Variants in PPARGC1A observed in about 807,000 individuals in gnomAD.
PPARGC1A encodes the protein PPARG coactivator 1 alpha, also known as peroxisome proliferator-activated receptor gamma coactivator 1-alpha.
A neutral mutation model predicts 88.7 loss-of-function variants in PPARGC1A; 25 were observed. The observed-to-expected ratio is 0.28, with a 90% CI of 0.21 to 0.39. PPARGC1A has a LOEUF of 0.39. PPARGC1A is among the 10% of genes least tolerant of loss of function. The pLI is 1.00. For missense variants in PPARGC1A, 880 were observed against 968.7 expected, an observed-to-expected ratio of 0.91 and a Z score of 1.22; for synonymous variants, 363 against 355.6, an observed-to-expected ratio of 1.02 and a Z score of -0.24.
At chr4:24,386,251 A>G in the PPARGC1A span, among the ~76,000 whole-genome samples, 1 of 152,182 alleles carries the variant, frequency 6.6e-6, no homozygotes, top group Non-Finnish European at 1.5e-5. Context: ...TCAAAATAAT[A>G]AGAACTATTT....
chr4:24,310,316 G>A, the PPARGC1A span, among the ~76,000 whole-genome samples: 30 of 152,266 alleles, frequency 2.0e-4, no homozygotes, highest in Admixed American at 1.0e-3. Flanking sequence ...GTCACAAAGC[G>A]ACAGTATCTT....
the PPARGC1A span, among the ~76,000 whole-genome samples, chr4:24,020,783 A>G: frequency 9.9e-5 from 15 of 152,254 alleles, 1 homozygote; most frequent in East Asian, 3.9e-4. Flanking sequence ...CGAAGCCTCC[A>G]TGAGCACAGG....
the PPARGC1A span, among the ~76,000 whole-genome samples, chr4:24,427,884 G>T: frequency 2.0e-5 from 3 of 152,256 alleles, no homozygotes; most frequent in East Asian, 5.8e-4. Context: ...CCTGAGGTGG[G>T]AGGATCACTT....
chr4:24,046,166 G>A, the PPARGC1A span, among the ~76,000 whole-genome samples: 1 of 152,168 alleles, frequency 6.6e-6, no homozygotes, highest in African/African-American at 2.4e-5. Context: ...CAGAACATAT[G>A]TCCCTATAAT....
At chr4:24,362,778 C>A in the PPARGC1A span, among the ~76,000 whole-genome samples, 1 of 152,170 alleles carries the variant, frequency 6.6e-6, no homozygotes, top group Non-Finnish European at 1.5e-5. Flanking sequence ...CCCGGTTAAG[C>A]ACCACCACTC....
chr4:24,088,698 G>A, the PPARGC1A span, among the ~76,000 whole-genome samples: 1 of 152,200 alleles, frequency 6.6e-6, no homozygotes, highest in Non-Finnish European at 1.5e-5. Flanking sequence ...TTTTATTAAA[G>A]TCTTAATGAT....
At chr4:24,355,770 G>A in the PPARGC1A span, among the ~76,000 whole-genome samples, 1,843 of 152,220 alleles carry the variant, frequency 0.012, 13 homozygotes, top group Non-Finnish European at 0.019. Context: ...GTGGAAGTGC[G>A]AGGGGGAGGA....
chr4:24,051,947 A>C, the PPARGC1A span, among the ~76,000 whole-genome samples: 1 of 152,098 alleles, frequency 6.6e-6, no homozygotes, highest in African/African-American at 2.4e-5. Flanking sequence ...AAAAAAAAAA[A>C]AAAACTAAAA....
At chr4:23,922,396 G>A in the PPARGC1A span, among the ~76,000 whole-genome samples, 130 of 152,122 alleles carry the variant, frequency 8.5e-4, 1 homozygote, top group Non-Finnish European at 7.4e-4. Context: ...TATAACCATC[G>A]AAGCGTTTCT....
the PPARGC1A span, among the ~76,000 whole-genome samples, chr4:23,961,482 A>T: frequency 8.5e-5 from 13 of 152,278 alleles, no homozygotes; most frequent in African/African-American, 3.1e-4. Context: ...TGCACATCTT[A>T]TCCTTTCTAT....
At chr4:24,039,959 C>T in the PPARGC1A span, among the ~76,000 whole-genome samples, 6 of 152,132 alleles carry the variant, frequency 3.9e-5, no homozygotes, top group African/African-American at 1.4e-4. Flanking sequence ...CTCTCAATAT[C>T]TAACCAACCA....
At chr4:23,908,091 G>A (rs1412804531), upstream of PPARGC1A, among the ~76,000 whole-genome samples, 1 of 152,156 alleles carries the variant, frequency 6.6e-6, no homozygotes, top group Non-Finnish European at 1.5e-5. Flanking sequence ...CCGATGCTTC[G>A]TCATGGGATG....
At chr4:24,176,368 C>T in the PPARGC1A span, among the ~76,000 whole-genome samples, 4 of 152,220 alleles carry the variant, frequency 2.6e-5, no homozygotes, top group East Asian at 5.8e-4. Flanking sequence ...TCTTGATCCT[C>T]CTTGCTGACC....
the PPARGC1A span, among the ~76,000 whole-genome samples, chr4:24,362,959 C>T: frequency 1.3e-5 from 2 of 152,312 alleles, no homozygotes; most frequent in South Asian, 2.1e-4. Context: ...AAGAACTTAA[C>T]AATTATTAGG....
chr4:24,470,351 C>T, the PPARGC1A span, among the ~76,000 whole-genome samples: 71 of 151,670 alleles, frequency 4.7e-4, 2 homozygotes, highest in South Asian at 0.014. The surrounding 1 kb of genome is among the most constrained non-coding windows in gnomAD (Gnocchi z 5.8). Flanking sequence ...GGCACGCGGA[C>T]GCCCGCTCCT....
the PPARGC1A span, among the ~76,000 whole-genome samples, chr4:24,338,156 C>T: frequency 6.6e-6 from 1 of 152,112 alleles, no homozygotes; most frequent in Admixed American, 6.6e-5. Flanking sequence ...GTCTCTAAAG[C>T]AATGCGATCA....
intron 2 of PPARGC1A, among the ~76,000 whole-genome samples, chr4:23,864,527 C>T (rs1028638941): frequency 3.3e-5 from 5 of 152,120 alleles, no homozygotes; most frequent in African/African-American, 4.8e-5. Flanking sequence ...GGCTAAATCA[C>T]CTAAGTATGA....
chr4:24,134,506 T>C, the PPARGC1A span, among the ~76,000 whole-genome samples: 1 of 152,264 alleles, frequency 6.6e-6, no homozygotes, highest in African/African-American at 2.4e-5. Context: ...AGCAATTAGA[T>C]CTCCATATTC....
At chr4:24,355,909 G>A in the PPARGC1A span, among the ~76,000 whole-genome samples, 4 of 152,176 alleles carry the variant, frequency 2.6e-5, no homozygotes, top group Non-Finnish European at 4.4e-5. Context: ...GAGATAATGA[G>A]TTTACGGCGG....
Sources: allele counts gnomAD v4.1 joint callset (sites outside exome capture counted in the v4.1 genomes callset), GRCh38; gene constraint gnomAD v4.1.1; non-coding constraint Gnocchi (gnomAD v3.1); transcripts MANE v1.5; gene names NCBI Gene and HGNC (gene_info 2026-07-23, HGNC 2026-07-21).